ADAT1: variants seen among roughly 807,000 people sequenced by gnomAD.
The protein encoded by ADAT1 is adenosine deaminase tRNA specific 1.
In ADAT1, 58 loss-of-function variants were observed where a neutral mutation model predicts 58.6. The ratio of observed to expected loss-of-function variants is 0.99; its 90% confidence interval spans 0.80 to 1.23. ADAT1 has a LOEUF of 1.23. Among genes scored for constraint, ADAT1 ranks in the 50% most tolerant of loss-of-function variants. The pLI, the probability that ADAT1 is intolerant of heterozygous loss-of-function variation, is 0.00. For synonymous variants in ADAT1, 254 were observed against 220.8 expected (o/e 1.15, Z -1.33); for missense variants, 741 against 608.6 (o/e 1.22, Z -2.29).
rs538865024 is a variant in ADAT1, at chr16:75,602,394, C to A, written c.1376+691G>T. Among the ~76,000 whole-genome samples, 5 of 152,324 alleles carry A rather than the reference C, an allele frequency of 3.3e-5. No individual in the cohort carries two copies. The South Asian group carries it at 1.0e-3, about 32-fold the overall frequency. On this transcript the variant is annotated intron_variant, in intron 9 of 9. Transcript: ENST00000564657. ...CTCTCTCCTTTTGGCTAGTACTGAT[C>A]TGTAGCCTTCATAATAAAACTTTAA...
At chr16:75,608,181 T>G in intron 8 of ADAT1, 43 bp downstream of exon 8, 4 of 1,517,480 alleles carry the variant, frequency 2.6e-6, no homozygotes, top group Non-Finnish European at 3.7e-6. Context: ...TGGTAGAGTG[T>G]GAGTTCACAG....
In ADAT1 at chr16:75,608,411, A is replaced by G. The variant is rs148924872; in HGVS notation, c.1190-88T>C. 270 of 1,164,914 alleles carry G rather than the reference A, an allele frequency of 2.3e-4. No individual in the cohort carries two copies. In the African/African-American group the frequency reaches 3.5e-3, roughly 15 times the overall value. The allele number at this position is 1,164,914 out of a possible 1,614,324, so 72.2% of individuals were successfully genotyped here. A position where few individuals can be genotyped will look rare whatever the true frequency, so the allele number is the denominator to read the frequency against. On this transcript the variant is annotated intron_variant, in intron 7 of 9. Coordinates refer to ENST00000564657, the MANE Select transcript of ADAT1 (RefSeq NM_001324445.2). ...TTAATAAAAATATTTCTCTGACTCT[A>G]CAGACCCATGAGAGCTGGATATGAT...
chr16:75,622,145 C>G (rs112294536), intron 1 of ADAT1, among the ~76,000 whole-genome samples: 18,364 of 152,078 alleles, frequency 0.12, 2,330 homozygotes, highest in African/African-American at 0.33. Context: ...GCGAGACTCC[C>G]TCTCAAAAAA....
intron 4 of ADAT1, among the ~76,000 whole-genome samples, chr16:75,617,659 A>G (rs567007588): frequency 6.6e-6 from 1 of 151,436 alleles, no homozygotes; most frequent in South Asian, 2.1e-4. Context: ...TTTTAGAAAA[A>G]TAAAAAAGAA....
chr16:75,619,023 A>G (rs1028482346), intron 3 of ADAT1, among the ~76,000 whole-genome samples: 2 of 152,218 alleles, frequency 1.3e-5, no homozygotes, highest in African/African-American at 2.4e-5. Flanking sequence ...GGTGAGAAAC[A>G]TTAATTTATA....
intron 1 of ADAT1, among the ~76,000 whole-genome samples, chr16:75,621,454 C>A (rs2081928071): frequency 6.6e-6 from 1 of 151,972 alleles, no homozygotes. Context: ...GACTACTTAA[C>A]CTTGCTGGGT....
intron 8 of ADAT1, among the ~76,000 whole-genome samples, chr16:75,604,534 T>A (rs1441178298): frequency 7.4e-6 from 1 of 135,004 alleles, no homozygotes; most frequent in Non-Finnish European, 1.5e-5. Context: ...TACATATATA[T>A]AATTATGGGG....
At chr16:75,608,399 TTC>T in intron 7 of ADAT1, 76 bp from the exon 8 acceptor site, 1 of 1,284,350 alleles carries the variant, frequency 7.8e-7, no homozygotes, top group Non-Finnish European at 1.1e-6. Context: ...ATAAAAATAT[TTC>T]TCTGACTCTA....
intron 3 of ADAT1, among the ~76,000 whole-genome samples, chr16:75,619,955 C>T (rs1315162590): frequency 6.6e-6 from 1 of 151,748 alleles, no homozygotes; most frequent in Non-Finnish European, 1.5e-5. Flanking sequence ...AAGCTGCATC[C>T]TCTACCTGCT....
At chr16:75,604,865 G>C (rs1216266650) in intron 8 of ADAT1, among the ~76,000 whole-genome samples, 1 of 152,126 alleles carries the variant, frequency 6.6e-6, no homozygotes, top group Non-Finnish European at 1.5e-5. Flanking sequence ...GGAACAGAAG[G>C]CTGGAAAGAA....
rs77383499 is a variant in ADAT1 at position 75,623,225 on chromosome 16, G to T, written c.-844C>A. 6.6e-6 allele frequency: 1 copy of T among 152,316 alleles called. No homozygotes were observed. Among genetic ancestry groups the T allele is most frequent in the Admixed American group, 6.5e-5 (1 of 15,292 alleles). The allele number at this position is 152,316 out of a possible 1,614,324, so 9.4% of individuals were successfully genotyped here. On this transcript the variant is annotated 5_prime_UTR_variant, in exon 1 of 10. Transcript: ENST00000564657. ...CCCGTCGCCCCAGCGCCTCGCGGACGCTCCCCTCCCACCTTCAGGAAACGC... is the reference window on the plus strand; with the variant it reads ...CCCGTCGCCCCAGCGCCTCGCGGACTCTCCCCTCCCACCTTCAGGAAACGC...
chr16:75,607,052 C>A (rs530237741), intron 8 of ADAT1, among the ~76,000 whole-genome samples: 2 of 152,036 alleles, frequency 1.3e-5, no homozygotes, highest in African/African-American at 4.8e-5. Flanking sequence ...ATAGTGAAAC[C>A]CCGTCTCTAC....
rs938026438 is a variant in ADAT1 at position 75,620,511 on chromosome 16, A to G, written c.169+120T>C. The G allele has an allele frequency of 5.6e-6, 8 of 1,420,574 alleles. No homozygotes were observed. In the African/African-American group the frequency reaches 1.1e-4, roughly 20 times the overall value. 88.0% of individuals were successfully genotyped at this position (1,420,574 alleles called of 1,614,324 possible). A position where few individuals can be genotyped will look rare whatever the true frequency, so the allele number is the denominator to read the frequency against. On this transcript the variant is annotated intron_variant, in intron 2 of 9. Coordinates refer to ENST00000564657, the MANE Select transcript of ADAT1 (RefSeq NM_001324445.2). ...GGTACTGCGTCACCTAGCAGAGGAC[A>G]AGCACATATGCCTAACATCGTAGTT...
chr16:75,617,391 G>A, intron 4 of ADAT1, 119 bp from the exon 5 acceptor site: 2 of 1,064,348 alleles, frequency 1.9e-6, no homozygotes, highest in Non-Finnish European at 2.7e-6. Flanking sequence ...TAGTGATGGG[G>A]AATTATGAGA....
intron 8 of ADAT1, among the ~76,000 whole-genome samples, chr16:75,606,001 T>A (rs2081360340): frequency 6.8e-6 from 1 of 146,686 alleles, no homozygotes; most frequent in Admixed American, 6.9e-5. Context: ...ATTAGAATTA[T>A]CATTCTTTTG....
chr16:75,620,995 G>A (rs1484205774), intron 1 of ADAT1, among the ~76,000 whole-genome samples, 175 bp from the exon 2 acceptor site: 1 of 151,992 alleles, frequency 6.6e-6, no homozygotes, highest in Non-Finnish European at 1.5e-5. Flanking sequence ...CATCTTTAAT[G>A]AAAGATCAAA....
rs1424282189 is a variant in ADAT1 at position 75,597,344 on chromosome 16, G to A, written c.*2872C>T. 2 of 450,130 alleles carry A rather than the reference G, an allele frequency of 4.4e-6. No individual in the cohort carries two copies. The highest frequency in any genetic ancestry group is 2.0e-5 in the African/African-American group (1 of 49,952). The allele number at this position is 450,130 out of a possible 1,614,324, so 27.9% of individuals were successfully genotyped here. A position where few individuals can be genotyped will look rare whatever the true frequency, so the allele number is the denominator to read the frequency against. The stretch of plus-strand genomic sequence containing the variant: ...CCATGTGAAGACGGAGGGAGAAACT[G>A]AAGTGATGCAGCCACAAGCCAAGGA... On this transcript the variant is annotated 3_prime_UTR_variant, in exon 10 of 10. Transcript: ENST00000564657.
chr16:75,610,021 T>C (rs1362921952), intron 6 of ADAT1, among the ~76,000 whole-genome samples: 1 of 152,188 alleles, frequency 6.6e-6, no homozygotes, highest in Non-Finnish European at 1.5e-5. Flanking sequence ...ACTACTAAGC[T>C]ATTATCTGTC....
In ADAT1 at chr16:75,600,139, A is replaced by G; in HGVS notation, c.*77T>C. On this transcript the variant is annotated 3_prime_UTR_variant, in exon 10 of 10. Coordinates refer to ENST00000564657, the MANE Select transcript of ADAT1 (RefSeq NM_001324445.2). Reference sequence around the variant, plus strand: ...GAATGTTCCCTGATTTAACTACCAAAAAAGCTAAGACTTGTCCTGCGTGGA... The same window carrying G: ...GAATGTTCCCTGATTTAACTACCAAGAAAGCTAAGACTTGTCCTGCGTGGA... 6.4e-7 allele frequency: 1 copy of G among 1,570,950 alleles called. No homozygotes were observed. Among genetic ancestry groups the G allele is most frequent in the Middle Eastern group, 1.7e-4 (1 of 5,846 alleles).
Sources: gnomAD v4.1 joint callset for allele counts (sites outside exome capture counted in the v4.1 genomes callset) on GRCh38, gnomAD v4.1.1 for gene constraint, MANE v1.5 for transcripts, NCBI Gene and HGNC (gene_info 2026-07-23, HGNC 2026-07-21) for gene names.